Variants in RAB11FIP5 observed in about 807,000 individuals in gnomAD.
The protein encoded by RAB11FIP5 is RAB11 family interacting protein 5, also known as rab11 family-interacting protein 5.
A neutral mutation model predicts 85.1 loss-of-function variants in RAB11FIP5; 48 were observed. That is an observed-to-expected ratio of 0.56 (90% CI 0.45 to 0.72). The LOEUF (loss-of-function observed/expected upper bound fraction) is 0.72, where lower values mean the gene tolerates loss of function less well. Among genes scored for constraint, RAB11FIP5 ranks in the 30% least tolerant of loss-of-function variants. The probability of loss-of-function intolerance (pLI) is 0.00; values close to 1 mark genes in which losing one functional copy is unlikely to be tolerated. For missense variants in RAB11FIP5, 1,491 were observed against 1,687.0 expected (o/e 0.88, Z 2.04); for synonymous variants, 729 against 727.3 (o/e 1.00, Z -0.04).
intron 3 of RAB11FIP5, among the ~76,000 whole-genome samples, chr2:73,085,024 A>G (rs976290798): frequency 6.6e-6 from 1 of 152,240 alleles, no homozygotes; most frequent in Non-Finnish European, 1.5e-5. Context: ...CGTATCATTT[A>G]TCTTCCAAAC....
rs953566578 is a variant in RAB11FIP5, at chr2:73,086,381, T to C, written c.1568+1669A>G. ...CAGATTCCAAGAGGCCATTAGGAGA[T>C]ATGGGGAAGCAGGAGAAAGAGGATG... On this transcript the variant is annotated intron_variant, in intron 3 of 5. Transcript: ENST00000486777. The surrounding 1 kb of genome is among the most constrained non-coding windows in gnomAD (Gnocchi z 4.4). Among the ~76,000 whole-genome samples the C allele has an allele frequency of 6.6e-6, 1 of 152,100 alleles. No individual in the cohort carries two copies. Among genetic ancestry groups the C allele is most frequent in the South Asian group, 2.1e-4 (1 of 4,824 alleles).
intron 1 of RAB11FIP5, among the ~76,000 whole-genome samples, chr2:73,110,964 C>T (rs1380245739): frequency 6.6e-6 from 1 of 152,024 alleles, no homozygotes; most frequent in Non-Finnish European, 1.5e-5. Context: ...GCCCCATATA[C>T]CCACCCCCTT....
rs111896251 is a variant in RAB11FIP5 at position 73,079,819 on chromosome 2, G to A, written c.3413C>T (p.Ser1138Phe). Reference sequence around the variant, plus strand: ...TAAGGCTGGCTCCCCTGGTGGTGCAGAGGAGGTAGTCAGGGGCCAGGCTTC... The same window carrying A: ...TAAGGCTGGCTCCCCTGGTGGTGCAAAGGAGGTAGTCAGGGGCCAGGCTTC... ...LSEAWPLTTS[S>F]APPGEPALLP... Residue 1138 changes from serine to phenylalanine, a missense_variant, in exon 4 of 6, where the codon TCT becomes TTT. Ser to Phe is a radical substitution (Grantham distance 155). Around this residue, in one of 3 missense-constraint regions of RAB11FIP5, gnomAD observed 232 missense variants for 259.1 expected, o/e 0.90. Coordinates refer to ENST00000486777, the MANE Select transcript of RAB11FIP5 (RefSeq NM_001371272.1). 4.2e-5 allele frequency: 52 copies of A among 1,232,298 alleles called. No homozygotes were observed. Among genetic ancestry groups the A allele is most frequent in the Non-Finnish European group, 4.9e-5 (48 of 988,198 alleles). The allele number at this position is 1,232,298 out of a possible 1,614,324, so 76.3% of individuals were successfully genotyped here.
chr2:73,077,659 C>T (rs1319933375), intron 4 of RAB11FIP5, among the ~76,000 whole-genome samples: 2 of 152,206 alleles, frequency 1.3e-5, no homozygotes, highest in African/African-American at 4.8e-5. Context: ...ATTGCCCCTT[C>T]CTCCCGTTGG....
At chr2:73,107,354 C>T (rs997240378) in intron 1 of RAB11FIP5, among the ~76,000 whole-genome samples, 3 of 152,206 alleles carry the variant, frequency 2.0e-5, no homozygotes, top group Admixed American at 6.5e-5. Flanking sequence ...TAGACAAGAG[C>T]GTCACAGCAC....
intron 1 of RAB11FIP5, among the ~76,000 whole-genome samples, chr2:73,097,996 A>C (rs1684355032): frequency 6.6e-6 from 1 of 152,224 alleles, no homozygotes; most frequent in African/African-American, 2.4e-5. Context: ...AGCACTGAAC[A>C]CATGGAATTA....
At chr2:73,107,267 G>C (rs1416477274) in intron 1 of RAB11FIP5, among the ~76,000 whole-genome samples, 1 of 152,258 alleles carries the variant, frequency 6.6e-6, no homozygotes, top group Non-Finnish European at 1.5e-5. Context: ...AACAGCTTCT[G>C]TTCTTGTATT....
rs565741791 is a variant in RAB11FIP5 at position 73,074,774 on chromosome 2, C to G, written c.*747G>C. ...TACACATTGGAGGTGGTCAAGAGCTCGAAAAGCAAAAAGGTGCTCTCTCCG... is the reference window on the plus strand; with the variant it reads ...TACACATTGGAGGTGGTCAAGAGCTGGAAAAGCAAAAAGGTGCTCTCTCCG... On this transcript the variant is annotated 3_prime_UTR_variant, in exon 6 of 6. Coordinates refer to ENST00000486777, the MANE Select transcript of RAB11FIP5 (RefSeq NM_001371272.1). The G allele has an allele frequency of 5.3e-5, 10 of 187,696 alleles. No individual in the cohort carries two copies. The highest frequency in any genetic ancestry group is 5.3e-4 in the Admixed American group (10 of 18,836). 11.6% of individuals were successfully genotyped at this position (187,696 alleles called of 1,614,324 possible).
intron 1 of RAB11FIP5, among the ~76,000 whole-genome samples, chr2:73,110,630 A>G (rs777730663): frequency 6.6e-6 from 1 of 152,242 alleles, no homozygotes; most frequent in Non-Finnish European, 1.5e-5. Flanking sequence ...TCTCCAAGAC[A>G]GGCTGTTCTT....
chr2:73,081,605 A>C lies in RAB11FIP5; in HGVS notation c.1627T>G (p.Cys543Gly). Residue 543 changes from cysteine (C) to glycine (G), a missense_variant, in exon 4 of 6, where the codon TGC (cysteine) becomes GGC (glycine). Coordinates refer to ENST00000486777, the MANE Select transcript of RAB11FIP5 (RefSeq NM_001371272.1). The surrounding 1 kb of genome is among the most constrained non-coding windows in gnomAD (Gnocchi z 4.2). ...GGAGGGGCCGGAGCCCAGGGGGAGC[A>C]GGGGAGGTGGTGAGGAAGAGCAGCT... ...DPAALPHHLP[C>G]SPWAPAPPTP... 2.5e-6 allele frequency: 3 copies of C among 1,218,516 alleles called. No individual in the cohort carries two copies. The highest frequency in any genetic ancestry group is 3.1e-6 in the Non-Finnish European group (3 of 975,446). The allele number at this position is 1,218,516 out of a possible 1,614,324, so 75.5% of individuals were successfully genotyped here.
intron 1 of RAB11FIP5, among the ~76,000 whole-genome samples, chr2:73,108,663 G>A (rs1031709968): frequency 6.6e-6 from 1 of 152,196 alleles, no homozygotes; most frequent in Non-Finnish European, 1.5e-5. Flanking sequence ...ACCCCACAGG[G>A]AACAAGGAAA....
In RAB11FIP5 at chr2:73,080,345, T is replaced by G; in HGVS notation, c.2887A>C (p.Ser963Arg). 2.4e-6 allele frequency: 3 copies of G among 1,232,732 alleles called. No individual in the cohort carries two copies. The highest frequency in any genetic ancestry group is 3.0e-6 in the Non-Finnish European group (3 of 988,370). 76.4% of individuals were successfully genotyped at this position (1,232,732 alleles called of 1,614,324 possible). ...GEKRESEESD[S>R]CSSATLLGQP... ...CCCAGCAGGGTTGCAGAGGAGCAGC[T>G]GTCAGACTCCTCCGACTCACGCTTC... Residue 963 changes from serine (S) to arginine (R), a missense_variant, in exon 4 of 6, where the codon AGC becomes CGC. Ser to Arg is a moderately radical substitution (Grantham distance 110). Around this residue, in one of 3 missense-constraint regions of RAB11FIP5, gnomAD observed 1,211 missense variants for 1,338.0 expected, o/e 0.91. Coordinates refer to ENST00000486777, the MANE Select transcript of RAB11FIP5 (RefSeq NM_001371272.1).
intron 1 of RAB11FIP5, among the ~76,000 whole-genome samples, chr2:73,090,603 C>T (rs756947416): frequency 3.3e-5 from 5 of 152,196 alleles, no homozygotes; most frequent in African/African-American, 7.2e-5. Context: ...TGAACAGACA[C>T]GGATGGATCT....
At chr2:73,079,458 C>A (rs10202837) in intron 4 of RAB11FIP5, among the ~76,000 whole-genome samples, 193 bp downstream of exon 4, 149,615 of 152,254 alleles carry the variant, frequency 0.98, 73,528 homozygotes, top group East Asian at 1. Context: ...AGTCCCAAGA[C>A]AGCAGCTTCA....
chr2:73,109,571 C>T (rs1298214670), intron 1 of RAB11FIP5, among the ~76,000 whole-genome samples: 3 of 152,204 alleles, frequency 2.0e-5, no homozygotes, highest in Non-Finnish European at 4.4e-5. Context: ...TCCTTCCCAA[C>T]AGGGCAGGGG....
chr2:73,100,349 C>T (rs987954241), intron 1 of RAB11FIP5, among the ~76,000 whole-genome samples: 1 of 151,946 alleles, frequency 6.6e-6, no homozygotes, highest in Non-Finnish European at 1.5e-5. Flanking sequence ...GTATCATGGA[C>T]AGCACCATGG....
At chr2:73,105,693 G>A (rs916884264) in intron 1 of RAB11FIP5, among the ~76,000 whole-genome samples, 1 of 152,094 alleles carries the variant, frequency 6.6e-6, no homozygotes, top group African/African-American at 2.4e-5. Flanking sequence ...GGAGAAGCAG[G>A]TCATGCCTAC....
At chr2:73,093,407 C>G (rs1299126583) in intron 1 of RAB11FIP5, among the ~76,000 whole-genome samples, 1 of 152,192 alleles carries the variant, frequency 6.6e-6, no homozygotes, top group Non-Finnish European at 1.5e-5. Flanking sequence ...GTTGTCATGT[C>G]CTGGGCACCC....
intron 3 of RAB11FIP5, among the ~76,000 whole-genome samples, chr2:73,083,271 G>A (rs887224513): frequency 2.6e-5 from 4 of 152,164 alleles, no homozygotes; most frequent in African/African-American, 9.7e-5. Flanking sequence ...CCCACACAGA[G>A]GTGGACTGAG....
Sources: gnomAD v4.1 joint callset for allele counts (sites outside exome capture counted in the v4.1 genomes callset) on GRCh38, gnomAD v4.1.1 for gene constraint, gnomAD v4.1.1 regional missense constraint, Gnocchi (gnomAD v3.1) non-coding constraint, MANE v1.5 for transcripts, NCBI Gene and HGNC (gene_info 2026-07-23, HGNC 2026-07-21) for gene names.